The following CEMIP variants were observed in gnomAD, a reference collection of about 807,000 sequenced individuals.
The protein encoded by CEMIP is cell migration-inducing and hyaluronan-binding protein.
In CEMIP, 105 loss-of-function variants were observed where a neutral mutation model predicts 156.9. That is an observed-to-expected ratio of 0.67 (90% CI 0.57 to 0.79). The LOEUF (loss-of-function observed/expected upper bound fraction) is 0.79, where lower values mean the gene tolerates loss of function less well. Ranked by LOEUF, CEMIP falls within the 30% of genes least tolerant of loss-of-function variation. The probability of loss-of-function intolerance (pLI) is 0.00; values close to 1 mark genes in which losing one functional copy is unlikely to be tolerated. For synonymous variants in CEMIP, 676 were observed against 668.4 expected (o/e 1.01, Z -0.17); for missense variants, 1,457 against 1,769.4 (o/e 0.82, Z 3.17).
At chr15:80,924,733 C>T in intron 18 of CEMIP, 27 bp downstream of exon 18, 2 of 1,595,368 alleles carry the variant, frequency 1.3e-6, no homozygotes. Context: ...AAGACACAGT[C>T]CACGGTGACC....
chr15:80,827,511 T>G (rs1444687140), intron 1 of CEMIP, among the ~76,000 whole-genome samples: 1 of 152,000 alleles, frequency 6.6e-6, no homozygotes, highest in Admixed American at 6.6e-5. Context: ...CCCTGCTACT[T>G]GGGAAGCTGA....
rs564016066 is a variant in CEMIP at position 80,941,025 on chromosome 15, T to A, written c.3408-824T>A. Among the ~76,000 whole-genome samples the A allele has an allele frequency of 3.3e-5, 5 of 152,334 alleles. No homozygotes were observed. The South Asian group carries it at 1.0e-3, about 32-fold the overall frequency. On this transcript the variant is annotated intron_variant, in intron 25 of 29. Transcript: ENST00000394685. ...TAAGAGCGAGAATCTTGGTTACTGG[T>A]TGGCCAATCCATGGCCCCTCTGTGA...
chr15:80,867,871 G>T (rs1331112767), intron 1 of CEMIP, among the ~76,000 whole-genome samples: 1 of 152,164 alleles, frequency 6.6e-6, no homozygotes, highest in Admixed American at 6.5e-5. Flanking sequence ...CGGTGGGGCA[G>T]GGGGGCGGCG....
At chr15:80,937,675 A>G (rs1472428493) in intron 24 of CEMIP, 119 bp from the exon 25 acceptor site, 1 of 899,306 alleles carries the variant, frequency 1.1e-6, no homozygotes, top group Non-Finnish European at 1.8e-6. Flanking sequence ...AAAATTTCCC[A>G]TACAAAAGTG....
intron 1 of CEMIP, among the ~76,000 whole-genome samples, chr15:80,825,716 G>T (rs1185795504): frequency 6.6e-6 from 1 of 152,218 alleles, no homozygotes; most frequent in Admixed American, 6.5e-5. Flanking sequence ...CCCTGGATTT[G>T]CATCTGGCCA....
intron 28 of CEMIP, among the ~76,000 whole-genome samples, chr15:80,945,379 C>T (rs1355188934): frequency 2.6e-5 from 4 of 152,226 alleles, no homozygotes; most frequent in Non-Finnish European, 4.4e-5. Flanking sequence ...ACATTTGAGT[C>T]CCCCAAGTAG....
intron 1 of CEMIP, among the ~76,000 whole-genome samples, chr15:80,820,287 A>C (rs1896879686): frequency 6.6e-6 from 1 of 152,220 alleles, no homozygotes; most frequent in African/African-American, 2.4e-5. Context: ...CCTTATAAAT[A>C]CCGTGAGTCA....
At chr15:80,884,862 G>C (rs1018835509) in intron 7 of CEMIP, among the ~76,000 whole-genome samples, 1 of 152,164 alleles carries the variant, frequency 6.6e-6, no homozygotes, top group Admixed American at 6.5e-5. Flanking sequence ...CACACACATT[G>C]ACACTAAGAG....
chr15:80,927,118 T>A (rs79673692), intron 19 of CEMIP, among the ~76,000 whole-genome samples: 2 of 152,192 alleles, frequency 1.3e-5, no homozygotes, highest in Non-Finnish European at 2.9e-5. Context: ...CGTGAGCCAC[T>A]GTGCCCAGCC....
chr15:80,835,468 CTGGG>C (rs1182209751), intron 1 of CEMIP, among the ~76,000 whole-genome samples: 2 of 152,222 alleles, frequency 1.3e-5, no homozygotes, highest in Non-Finnish European at 2.9e-5. Context: ...GGTCCCGGGT[CTGGG>C]TGATAGGCAG....
At chr15:80,855,044 C>T (rs1187393171) in intron 1 of CEMIP, among the ~76,000 whole-genome samples, 1 of 152,050 alleles carries the variant, frequency 6.6e-6, no homozygotes, top group Non-Finnish European at 1.5e-5. Context: ...AAAATTAGCT[C>T]GGCATGGTGG....
intron 1 of CEMIP, among the ~76,000 whole-genome samples, chr15:80,813,319 G>A (rs1190361410): frequency 2.7e-5 from 4 of 150,722 alleles, no homozygotes; most frequent in East Asian, 1.9e-4. Context: ...CCTCCTCCTC[G>A]TTATCATTTG....
At chr15:80,911,537 A>G (rs1239949322) in intron 14 of CEMIP, among the ~76,000 whole-genome samples, 5 of 151,904 alleles carry the variant, frequency 3.3e-5, no homozygotes, top group African/African-American at 1.2e-4. Flanking sequence ...CCACACACAC[A>G]CACACACACA....
At position 80,942,962 on chromosome 15, in the gene CEMIP, C is replaced by A. The variant is rs1430102614; in HGVS notation, c.3717C>A (p.Tyr1239Ter). ...FAYIEVDGKK[Y>*]PSSEDGIQVV... ...CTCTGTAGGTGGATGGGAAGAAGTACCCCAGTTCGGAGGATGGCATCCAGG... is the reference window on the plus strand; with the variant it reads ...CTCTGTAGGTGGATGGGAAGAAGTAACCCAGTTCGGAGGATGGCATCCAGG... The change falls in exon 28 of 30, where the codon TAC becomes TAA. Residue 1239 changes from tyrosine to a stop codon, truncating the protein, a stop_gained. Transcript: ENST00000394685. LOFTEE classifies it high-confidence loss of function. The A allele has an allele frequency of 1.2e-6, 2 of 1,614,224 alleles. No individual in the cohort carries two copies. The highest frequency in any genetic ancestry group is 2.2e-5 in the East Asian group (1 of 44,876).
intron 10 of CEMIP, 27 bp downstream of exon 10, chr15:80,889,619 A>G: frequency 1.2e-6 from 2 of 1,613,254 alleles, no homozygotes; most frequent in Non-Finnish European, 1.7e-6. Flanking sequence ...AAAAATAGAA[A>G]ATAGAAATGT....
intron 14 of CEMIP, among the ~76,000 whole-genome samples, chr15:80,918,695 A>G (rs1900362593): frequency 6.6e-6 from 1 of 152,172 alleles, no homozygotes. Context: ...TGAAGGGTGT[A>G]AGATAAGTGA....
At chr15:80,856,288 A>G (rs886532802) in intron 1 of CEMIP, among the ~76,000 whole-genome samples, 2 of 152,246 alleles carry the variant, frequency 1.3e-5, no homozygotes, top group African/African-American at 2.4e-5. Context: ...AAAAGATGAA[A>G]AAAAGAATAT....
intron 1 of CEMIP, among the ~76,000 whole-genome samples, chr15:80,799,079 A>G (rs1896305788): frequency 6.6e-6 from 1 of 152,240 alleles, no homozygotes; most frequent in South Asian, 2.1e-4. Context: ...AGATGACAGG[A>G]ATGAGATAAA....
At position 80,906,508 on chromosome 15, in the gene CEMIP, C is replaced by G. The variant is rs1899808833; in HGVS notation, c.1412-155C>G. 6.6e-6 allele frequency among the ~76,000 whole-genome samples: 1 copy of G among 152,208 alleles called. No homozygotes were observed. The highest frequency in any genetic ancestry group is 1.5e-5 in the Non-Finnish European group (1 of 68,044). On this transcript the variant is annotated intron_variant, in intron 12 of 29. Coordinates refer to ENST00000394685, the MANE Select transcript of CEMIP (RefSeq NM_001293298.2). The surrounding 1 kb of genome is among the most constrained non-coding windows in gnomAD (Gnocchi z 4.3). ...GTCTGCATGCAGGCGTGTGACTTCA[C>G]CTCCCTGACCTTCATCCTTCTGTAA...
Sources: allele counts gnomAD v4.1 joint callset (sites outside exome capture counted in the v4.1 genomes callset), GRCh38; gene constraint gnomAD v4.1.1; non-coding constraint Gnocchi (gnomAD v3.1); transcripts MANE v1.5; gene names NCBI Gene and HGNC (gene_info 2026-07-23, HGNC 2026-07-21).